FAM193A: variants seen among roughly 807,000 people sequenced by gnomAD.
FAM193A encodes family with sequence similarity 193 member A.
Under a neutral mutation model 126.5 loss-of-function variants are expected in FAM193A, and 22 were observed. The observed-to-expected ratio is 0.17, with a 90% CI of 0.12 to 0.25. The LOEUF (loss-of-function observed/expected upper bound fraction) is 0.25, where lower values mean the gene tolerates loss of function less well. FAM193A is among the 10% of genes least tolerant of loss of function. The probability of loss-of-function intolerance (pLI) is 1.00; values close to 1 mark genes in which losing one functional copy is unlikely to be tolerated. For missense variants in FAM193A, 1,675 were observed against 1,672.8 expected, an observed-to-expected ratio of 1.00 and a Z score of -0.02; for synonymous variants, 761 against 646.8, an observed-to-expected ratio of 1.18 and a Z score of -2.68.
intron 1 of FAM193A, among the ~76,000 whole-genome samples, chr4:2,544,468 C>T (rs1434265695): frequency 2.0e-5 from 3 of 151,972 alleles, no homozygotes; most frequent in Admixed American, 6.6e-5. Flanking sequence ...TTTGGGAGGC[C>T]GAGGTGGAAG....
chr4:2,614,068 C>T (rs1373948068), intron 2 of FAM193A, among the ~76,000 whole-genome samples: 4 of 152,256 alleles, frequency 2.6e-5, no homozygotes, highest in African/African-American at 4.8e-5. Context: ...CCACCGCACC[C>T]GGCCTTCCTT....
intron 1 of FAM193A, among the ~76,000 whole-genome samples, chr4:2,591,529 G>T (rs1220631971): frequency 1.3e-5 from 2 of 152,168 alleles, no homozygotes; most frequent in African/African-American, 4.8e-5. Flanking sequence ...GGCCTTTGTT[G>T]TGTCTCCTGC....
At chr4:2,656,557 C>T (rs964744748) in intron 7 of FAM193A, among the ~76,000 whole-genome samples, 2 of 152,194 alleles carry the variant, frequency 1.3e-5, no homozygotes, top group Admixed American at 6.5e-5. Flanking sequence ...TGAAAGTGCC[C>T]TCAGTTGGGA....
At chr4:2,622,224 T>C (rs957097430) in intron 2 of FAM193A, among the ~76,000 whole-genome samples, 21 of 119,734 alleles carry the variant, frequency 1.8e-4, no homozygotes, top group African/African-American at 7.0e-4. Context: ...ACCACTGCAC[T>C]CCAGCCTGGG....
chr4:2,637,923 T>C (rs1744247026), intron 5 of FAM193A, among the ~76,000 whole-genome samples: 1 of 152,256 alleles, frequency 6.6e-6, no homozygotes, highest in South Asian at 2.1e-4. Context: ...CTGATATCTG[T>C]TTGTCTTGCA....
rs138586572 is a variant in FAM193A, at chr4:2,598,277, C to T, written c.501+1948C>T. ...ACTTGCATAATGCTTTTGAGAGTTA[C>T]CCAAAATGTTGCATGCATCCGTAGT... On this transcript the variant is annotated intron_variant, in intron 2 of 20. Transcript: ENST00000637812. Among the ~76,000 whole-genome samples the T allele has an allele frequency of 8.5e-5, 13 of 152,236 alleles. No homozygotes were observed. The East Asian group carries it at 2.3e-3, about 27-fold the overall frequency.
chr4:2,664,558 C>CTTTTTTTTTTT (rs33958851), intron 12 of FAM193A, among the ~76,000 whole-genome samples: 126 of 73,106 alleles, frequency 1.7e-3, no homozygotes, highest in Non-Finnish European at 2.3e-3. Context: ...TATTTTCTTT[C>CTTTTTTTTTTT]TTTTTTTTTT....
intron 1 of FAM193A, among the ~76,000 whole-genome samples, chr4:2,581,205 G>C (rs1466338291): frequency 7.3e-6 from 1 of 137,458 alleles, no homozygotes; most frequent in Non-Finnish European, 1.6e-5. Flanking sequence ...TGTAGATCTA[G>C]GTTTTGTTCT....
chr4:2,696,509 T>C lies in FAM193A; in HGVS notation c.3423T>C (p.Asp1141=), dbSNP rs1717053285. 4 of 1,613,954 alleles carry C rather than the reference T, an allele frequency of 2.5e-6. No homozygotes were observed. The highest frequency in any genetic ancestry group is 3.4e-6 in the Non-Finnish European group (4 of 1,180,034). Residue 1141 remains aspartate, a synonymous_variant, in exon 18 of 21, where the codon GAT becomes GAC. Transcript: ENST00000637812. ...ESVVDHRRVE[D]LLQFINSSET... ...TCGTTGACCATCGGAGGGTGGAGGA[T>C]TTGTTGCAGTTTATAAATAGCTCCG... is the stretch of plus-strand genomic sequence containing the variant.
intron 1 of FAM193A, among the ~76,000 whole-genome samples, chr4:2,546,619 T>G (rs1314030166): frequency 6.6e-6 from 1 of 152,228 alleles, no homozygotes. Flanking sequence ...TCTTTTTTAC[T>G]GCTGTGTAGT....
Position 2,672,233 on chromosome 4 carries a change from G to A in FAM193A, c.2192G>A (p.Ser731Asn), listed in dbSNP as rs1713890196. The A allele has an allele frequency of 1.2e-6, 2 of 1,614,168 alleles. No individual in the cohort carries two copies. The highest frequency in any genetic ancestry group is 1.7e-6 in the Non-Finnish European group (2 of 1,180,044). The change falls in exon 13 of 21, where the codon AGC (serine) becomes AAC (asparagine). Residue 731 changes from serine to asparagine, a missense_variant. Ser to Asn is a conservative substitution (Grantham distance 46). Around this residue, in one of 4 missense-constraint regions of FAM193A, gnomAD observed 1,186 missense variants for 1,109.2 expected, o/e 1.07. Transcript: ENST00000637812. ...CTTCCTCCTGGCCATCAGTTCTTGAGCCCAGAGAAGCCCACACACCCTGCA... is the reference window on the plus strand; with the variant it reads ...CTTCCTCCTGGCCATCAGTTCTTGAACCCAGAGAAGCCCACACACCCTGCA... ...GALPPGHQFLSPEKPTHPALH... is the reference protein window; with the variant it reads ...GALPPGHQFLNPEKPTHPALH...
chr4:2,577,422 G>GGTTTTTTTTT (rs1739656106), intron 1 of FAM193A, among the ~76,000 whole-genome samples: 1 of 115,542 alleles, frequency 8.7e-6, no homozygotes, highest in Non-Finnish European at 1.7e-5. Context: ...TTTTTTTTTT[G>GGTTTTTTTTT]TTTTTTTTTT....
chr4:2,616,231 TCAG>T (rs1284005777), intron 2 of FAM193A, among the ~76,000 whole-genome samples: 1 of 152,208 alleles, frequency 6.6e-6, no homozygotes, highest in Non-Finnish European at 1.5e-5. Context: ...ACCATCATCA[TCAG>T]CATCAGCATC....
chr4:2,625,143 CT>C (rs532165459), intron 2 of FAM193A, 118 bp from the exon 3 acceptor site: 570 of 587,000 alleles, frequency 9.7e-4, no homozygotes, highest in Non-Finnish European at 1.2e-3. Flanking sequence ...AAGATAGTTT[CT>C]TTTCAATGTT....
chr4:2,694,348 C>A (rs987356261), intron 16 of FAM193A, among the ~76,000 whole-genome samples: 1 of 152,066 alleles, frequency 6.6e-6, no homozygotes, highest in Non-Finnish European at 1.5e-5. Flanking sequence ...CAGCTCACTG[C>A]AACCTCCACC....
intron 18 of FAM193A, among the ~76,000 whole-genome samples, chr4:2,699,367 G>T (rs1239512041): frequency 1.3e-5 from 2 of 151,470 alleles, no homozygotes; most frequent in Non-Finnish European, 2.9e-5. Flanking sequence ...GTGCTTTGCA[G>T]CTGCTTTGTC....
chr4:2,540,660 G>A (rs576093931), intron 1 of FAM193A, among the ~76,000 whole-genome samples: 1 of 151,412 alleles, frequency 6.6e-6, no homozygotes, highest in Admixed American at 6.6e-5. Context: ...AAAAACAAAC[G>A]AACAAAAACG....
intron 1 of FAM193A, among the ~76,000 whole-genome samples, chr4:2,551,714 T>G (rs1312887809): frequency 6.6e-6 from 1 of 152,156 alleles, no homozygotes; most frequent in Non-Finnish European, 1.5e-5. Context: ...TTTTAAACCT[T>G]TTTGAAGAAC....
chr4:2,669,475 A>T (rs1267612923), intron 12 of FAM193A, among the ~76,000 whole-genome samples: 2 of 152,064 alleles, frequency 1.3e-5, no homozygotes, highest in East Asian at 3.9e-4. Flanking sequence ...CAGGCGTGCT[A>T]TCATGTGCTT....
Sources: allele counts gnomAD v4.1 joint callset (sites outside exome capture counted in the v4.1 genomes callset), GRCh38; gene constraint gnomAD v4.1.1; regional missense constraint gnomAD v4.1.1; transcripts MANE v1.5; gene names NCBI Gene and HGNC (gene_info 2026-07-23, HGNC 2026-07-21).